The following CHCHD6 variants were observed in gnomAD, a reference collection of about 807,000 sequenced individuals.
CHCHD6 encodes the protein MICOS complex subunit MIC25.
A neutral mutation model predicts 32.3 loss-of-function variants in CHCHD6; 28 were observed. That is an observed-to-expected ratio of 0.87 (90% CI 0.64 to 1.19). The LOEUF is 1.19. Ranked by LOEUF, CHCHD6 falls within the 50% of genes most tolerant of loss-of-function variation. The pLI, the probability that CHCHD6 is intolerant of heterozygous loss-of-function variation, is 0.00. For synonymous variants in CHCHD6, 122 were observed against 117.5 expected (o/e 1.04, Z -0.25); for missense variants, 333 against 307.0 (o/e 1.08, Z -0.63).
chr3:126,826,732 C>T (rs2107539512), intron 4 of CHCHD6, among the ~76,000 whole-genome samples: 1 of 152,230 alleles, frequency 6.6e-6, no homozygotes, highest in East Asian at 1.9e-4. Flanking sequence ...TCCTTTGACT[C>T]CTAAACAGAT....
intron 2 of CHCHD6, among the ~76,000 whole-genome samples, 181 bp from the exon 3 acceptor site, chr3:126,730,380 A>G (rs1162396936): frequency 6.6e-6 from 1 of 152,212 alleles, no homozygotes; most frequent in African/African-American, 2.4e-5. Context: ...CTTTCCAGAC[A>G]GCTTGAATCA....
At chr3:126,953,008 G>A (rs2107608677) in intron 6 of CHCHD6, 2 of 985,462 alleles carry the variant, frequency 2.0e-6, no homozygotes, top group East Asian at 1.1e-4. Flanking sequence ...TTTACTGAAT[G>A]CCAATGATTC....
At position 126,873,213 on chromosome 3, in the gene CHCHD6, G is replaced by A. The variant is rs372704351; in HGVS notation, c.495+20483G>A. ...CTAGATGAGAAATAGTGATAGTGCTGGAGCTGGGAAAAGACCGCAGGCCTA... is the reference window on the plus strand; with the variant it reads ...CTAGATGAGAAATAGTGATAGTGCTAGAGCTGGGAAAAGACCGCAGGCCTA... On this transcript the variant is annotated intron_variant, in intron 5 of 7. Transcript: ENST00000290913. Among the ~76,000 whole-genome samples the A allele has an allele frequency of 3.3e-5, 5 of 152,198 alleles. No individual in the cohort carries two copies. In the East Asian group the frequency reaches 5.8e-4, roughly 18 times the overall value.
chr3:126,714,483 G>A (rs1011504015), intron 1 of CHCHD6, among the ~76,000 whole-genome samples: 1 of 152,106 alleles, frequency 6.6e-6, no homozygotes, highest in Non-Finnish European at 1.5e-5. Flanking sequence ...AATCTCCAAG[G>A]CAACAGCCTT....
chr3:126,863,586 T>TCACCACCTCCTCCTCC (rs1942063942), intron 5 of CHCHD6, among the ~76,000 whole-genome samples: 1 of 20,698 alleles, frequency 4.8e-5, no homozygotes, highest in African/African-American at 2.1e-4. Context: ...CCTCCTCCTC[T>TCACCACCTCCTCCTCC]TCCTCCACCA....
At chr3:126,936,775 G>A (rs1319412619) in intron 6 of CHCHD6, among the ~76,000 whole-genome samples, 2 of 152,214 alleles carry the variant, frequency 1.3e-5, no homozygotes, top group African/African-American at 2.4e-5. Flanking sequence ...GGCTGGTCGC[G>A]AACACCTGAC....
intron 5 of CHCHD6, among the ~76,000 whole-genome samples, chr3:126,879,924 A>G (rs1282189606): frequency 6.6e-6 from 1 of 152,220 alleles, no homozygotes; most frequent in East Asian, 1.9e-4. Context: ...GGCACTTATC[A>G]TATTATTCTG....
chr3:126,738,205 G>A (rs1439621944), intron 4 of CHCHD6, among the ~76,000 whole-genome samples: 1 of 152,116 alleles, frequency 6.6e-6, no homozygotes, highest in Non-Finnish European at 1.5e-5. Flanking sequence ...GATACAGTTG[G>A]CCCTCCCTGT....
intron 1 of CHCHD6, among the ~76,000 whole-genome samples, chr3:126,707,152 A>G (rs1161587739): frequency 2.0e-5 from 3 of 152,020 alleles, no homozygotes; most frequent in African/African-American, 7.3e-5. Flanking sequence ...CTGTACACCC[A>G]GCTACTTGGG....
chr3:126,708,171 T>C (rs1051296171), intron 1 of CHCHD6, among the ~76,000 whole-genome samples: 3 of 152,236 alleles, frequency 2.0e-5, no homozygotes, highest in Admixed American at 2.0e-4. Flanking sequence ...ATTCACTCTG[T>C]GCTAAGCACT....
At chr3:126,833,556 T>C (rs1940727219) in intron 4 of CHCHD6, among the ~76,000 whole-genome samples, 1 of 152,228 alleles carries the variant, frequency 6.6e-6, no homozygotes. Flanking sequence ...GAATGTGGGC[T>C]TCGCAACTAT....
chr3:126,852,322 A>G (rs41266461), intron 4 of CHCHD6, among the ~76,000 whole-genome samples: 2,747 of 152,264 alleles, frequency 0.018, 30 homozygotes, highest in Middle Eastern at 0.051. Context: ...CATCTGTAGC[A>G]GGGGATCATG....
chr3:126,814,881 G>A (rs1939810146), intron 4 of CHCHD6, among the ~76,000 whole-genome samples: 1 of 152,220 alleles, frequency 6.6e-6, no homozygotes, highest in Admixed American at 6.5e-5. Context: ...TGAGGGGGAT[G>A]GGGAAGGCAG....
rs147291628 is a variant in CHCHD6, at chr3:126,932,279, C to T, written c.566+17529C>T. Among the ~76,000 whole-genome samples, 414 of 152,270 alleles carry T rather than the reference C, an allele frequency of 2.7e-3. 3 individuals carry two copies. The highest frequency in any genetic ancestry group is 0.019 in the South Asian group (90 of 4,816). On this transcript the variant is annotated intron_variant, in intron 6 of 7. Coordinates refer to ENST00000290913, the MANE Select transcript of CHCHD6 (RefSeq NM_032343.3). ...GTGGTGGCCCATAGACCACTTGCCT[C>T]AGAATCATGGAATAGAGTCCTGGGC...
chr3:126,713,771 A>G (rs1045288469), intron 1 of CHCHD6, among the ~76,000 whole-genome samples: 1 of 152,192 alleles, frequency 6.6e-6, no homozygotes, highest in African/African-American at 2.4e-5. Flanking sequence ...AGTTTAAGCC[A>G]CTGGCTCAGT....
intron 4 of CHCHD6, among the ~76,000 whole-genome samples, chr3:126,811,407 A>G (rs1247739174): frequency 6.6e-6 from 1 of 152,226 alleles, no homozygotes; most frequent in Non-Finnish European, 1.5e-5. Context: ...AGGGTTTTAT[A>G]TGAAACATCT....
At chr3:126,843,436 G>C (rs1202391746) in intron 4 of CHCHD6, among the ~76,000 whole-genome samples, 4 of 152,122 alleles carry the variant, frequency 2.6e-5, no homozygotes, top group African/African-American at 9.7e-5. Flanking sequence ...CTTAGAAGTT[G>C]TATGATTTCT....
In CHCHD6 at chr3:126,738,033, T is replaced by G. The variant is rs370357119; in HGVS notation, c.411+4811T>G. ...CCCACTGAAGATTTGGTAACAAGAG[T>G]GCTTCCGTCCCTGGATGTGCCCCTC... On this transcript the variant is annotated intron_variant, in intron 4 of 7. Coordinates refer to ENST00000290913, the MANE Select transcript of CHCHD6 (RefSeq NM_032343.3). Among the ~76,000 whole-genome samples the G allele has an allele frequency of 9.9e-5, 15 of 152,190 alleles. No individual in the cohort carries two copies. In the East Asian group the frequency reaches 1.7e-3, roughly 18 times the overall value.
chr3:126,864,084 CTCCTCCACCACCATTACCACA>C (rs1942127506), intron 5 of CHCHD6, among the ~76,000 whole-genome samples: 3 of 150,924 alleles, frequency 2.0e-5, no homozygotes, highest in East Asian at 2.0e-4. Flanking sequence ...CAATCACCAC[CTCCTCCACCACCATTACCACA>C]TCCTCCACCA....
Sources: gnomAD v4.1 joint callset for allele counts (sites outside exome capture counted in the v4.1 genomes callset) on GRCh38, gnomAD v4.1.1 for gene constraint, MANE v1.5 for transcripts, NCBI Gene and HGNC (gene_info 2026-07-23, HGNC 2026-07-21) for gene names.